The following ERMAP variants were observed in gnomAD, a reference collection of about 807,000 sequenced individuals.
ERMAP encodes the protein erythroid membrane-associated protein.
Under a neutral mutation model 49.5 loss-of-function variants are expected in ERMAP, and 34 were observed. The observed-to-expected ratio is 0.69, with a 90% CI of 0.52 to 0.91. ERMAP has a LOEUF of 0.91. Among genes scored for constraint, ERMAP ranks in the 40% least tolerant of loss-of-function variants. The pLI is 0.00. For synonymous variants in ERMAP, 214 were observed against 232.2 expected (o/e 0.92, Z 0.71); for missense variants, 541 against 582.6 (o/e 0.93, Z 0.74).
chr1:42,844,384 G>T lies in ERMAP; in HGVS notation c.*1152G>T. 2.9e-6 allele frequency: 1 copy of T among 350,540 alleles called. No individual in the cohort carries two copies. Among genetic ancestry groups the T allele is most frequent in the Non-Finnish European group, 5.1e-6 (1 of 196,602 alleles). The allele number at this position is 350,540 out of a possible 1,614,324, so 21.7% of individuals were successfully genotyped here. ...GATGAATACACAGTTCTATCCAACA[G>T]AAACTGTATCTTTCTGTTTGTCAGA... is the stretch of plus-strand genomic sequence containing the variant. On this transcript the variant is annotated 3_prime_UTR_variant, in exon 12 of 12. Coordinates refer to ENST00000372517, the MANE Select transcript of ERMAP (RefSeq NM_001017922.2). This position sits in a 1 kb window ranked among gnomAD's most constrained non-coding sequence, Gnocchi z 4.0.
intron 7 of ERMAP, chr1:42,837,603 C>T (rs1457364516): frequency 6.5e-6 from 1 of 153,644 alleles, no homozygotes; most frequent in African/African-American, 2.4e-5. Flanking sequence ...AGTGACACCT[C>T]AGATCATTGG....
intron 8 of ERMAP, chr1:42,839,767 C>T: frequency 1.8e-6 from 1 of 554,610 alleles, no homozygotes; most frequent in Non-Finnish European, 3.2e-6. Flanking sequence ...GTTGTCATTA[C>T]CTGTAGGTGT....
intron 1 of ERMAP, among the ~76,000 whole-genome samples, chr1:42,822,765 C>T (rs949920153): frequency 6.6e-6 from 1 of 152,134 alleles, no homozygotes; most frequent in African/African-American, 2.4e-5. Flanking sequence ...TCTCCCTATC[C>T]TCCCCTTCCC....
At chr1:42,834,197 C>T (rs1654827977) in intron 4 of ERMAP, among the ~76,000 whole-genome samples, 1 of 152,220 alleles carries the variant, frequency 6.6e-6, no homozygotes, top group South Asian at 2.1e-4. Context: ...TGCTCGTTTC[C>T]TCTCCTCTAT....
Position 42,842,898 on chromosome 1 carries a change from A to C in ERMAP, c.1094A>C (p.Glu365Ala), listed in dbSNP as rs567494847. 6.2e-7 allele frequency: 1 copy of C among 1,614,152 alleles called. No homozygotes were observed. The highest frequency in any genetic ancestry group is 8.5e-7 in the Non-Finnish European group (1 of 1,180,046). Residue 365 changes from glutamate to alanine, a missense_variant, in exon 12 of 12, where the codon GAA (glutamate) becomes GCA (alanine). Transcript: ENST00000372517. ...TGTGTGGGGATTTTCCTGGACTATG[A>C]AGCAGGAGTCATCTCTTTCTACAAT... The part of the protein sequence containing the change: ...PRCVGIFLDY[E>A]AGVISFYNVT...
At chr1:42,825,142 A>G (rs1041083781) in intron 1 of ERMAP, among the ~76,000 whole-genome samples, 2 of 152,222 alleles carry the variant, frequency 1.3e-5, no homozygotes, top group African/African-American at 4.8e-5. Flanking sequence ...ACAGCTAAGG[A>G]TATTATGAAA....
At chr1:42,830,292 CAA>C in intron 2 of ERMAP, 150 bp from the exon 3 acceptor site, 2 of 638,856 alleles carry the variant, frequency 3.1e-6, no homozygotes, top group Admixed American at 2.7e-5. Context: ...CACAGTATCA[CAA>C]GGAGGTAAGT....
chr1:42,843,344 G>T lies in ERMAP; in HGVS notation c.*112G>T, dbSNP rs939301010. 4 of 722,240 alleles carry T rather than the reference G, an allele frequency of 5.5e-6. No homozygotes were observed. Among genetic ancestry groups the T allele is most frequent in the Non-Finnish European group, 8.8e-6 (4 of 456,986 alleles). 44.7% of individuals were successfully genotyped at this position (722,240 alleles called of 1,614,324 possible). ...GTCTCTTCACCTTAACCCAAATCCA[G>T]ACCCTTTTGTGGTTTCTATTTGTAC... On this transcript the variant is annotated 3_prime_UTR_variant, in exon 12 of 12. Coordinates refer to ENST00000372517, the MANE Select transcript of ERMAP (RefSeq NM_001017922.2).
intron 1 of ERMAP, chr1:42,824,554 G>C (rs1654489069): frequency 6.6e-6 from 1 of 152,192 alleles, no homozygotes; most frequent in African/African-American, 2.4e-5. Context: ...CCAGAACAGA[G>C]TGTGAGGTGT....
At chr1:42,831,348 G>A (rs539025441) in intron 4 of ERMAP, among the ~76,000 whole-genome samples, 60 of 152,300 alleles carry the variant, frequency 3.9e-4, no homozygotes, top group South Asian at 1.7e-3. Flanking sequence ...ACTGTACAAT[G>A]CAGGTCCTGG....
Position 42,830,754 on chromosome 1 carries a change from C to T in ERMAP, c.86-14C>T. 1 of 1,516,298 alleles carries T rather than the reference C, an allele frequency of 6.6e-7. No individual in the cohort carries two copies. Among genetic ancestry groups the T allele is most frequent in the East Asian group, 2.5e-5 (1 of 40,648 alleles). 93.9% of individuals were successfully genotyped at this position (1,516,298 alleles called of 1,614,324 possible). ...CCGTCCCTCCCAGTTGGCCTTGTCT[C>T]TTTTTTTGTCCAGGCCACGCAGGGG... is the stretch of plus-strand genomic sequence containing the variant. On this transcript the variant is annotated splice_polypyrimidine_tract_variant and intron_variant, in intron 3 of 11. Coordinates refer to ENST00000372517, the MANE Select transcript of ERMAP (RefSeq NM_001017922.2).
chr1:42,825,638 T>C lies in ERMAP; in HGVS notation c.-106T>C, dbSNP rs1654520709. 1 of 1,288,876 alleles carries C rather than the reference T, an allele frequency of 7.8e-7. No homozygotes were observed. Among genetic ancestry groups the C allele is most frequent in the African/African-American group, 1.5e-5 (1 of 65,834 alleles). The allele number at this position is 1,288,876 out of a possible 1,614,324, so 79.8% of individuals were successfully genotyped here. ...ACATCCCTAGGCCTTCCTGATGCGC[T>C]TGCCTGCTCCCTGGTCTCTCTGCAT... On this transcript the variant is annotated 5_prime_UTR_variant, in exon 2 of 12. Coordinates refer to ENST00000372517, the MANE Select transcript of ERMAP (RefSeq NM_001017922.2).
At position 42,844,771 on chromosome 1, in the gene ERMAP, A is replaced by C. The variant is rs1457956163; in HGVS notation, c.*1539A>C. ...AACTGATTCAGCAAGGCCCGCCCACATTTGGGAGGACAGTCTGCATTACTC... is the reference window on the plus strand; with the variant it reads ...AACTGATTCAGCAAGGCCCGCCCACCTTTGGGAGGACAGTCTGCATTACTC... On this transcript the variant is annotated 3_prime_UTR_variant, in exon 12 of 12. Coordinates refer to ENST00000372517, the MANE Select transcript of ERMAP (RefSeq NM_001017922.2). This position sits in a 1 kb window ranked among gnomAD's most constrained non-coding sequence, Gnocchi z 4.0. 1.3e-5 allele frequency: 2 copies of C among 152,182 alleles called. No individual in the cohort carries two copies. Among genetic ancestry groups the C allele is most frequent in the South Asian group, 2.1e-4 (1 of 4,830 alleles). 9.4% of individuals were successfully genotyped at this position (152,182 alleles called of 1,614,324 possible). A position where few individuals can be genotyped will look rare whatever the true frequency, so the allele number is the denominator to read the frequency against.
chr1:42,837,054 G>A (rs1239714294), intron 6 of ERMAP, 104 bp from the exon 7 acceptor site: 7 of 1,160,804 alleles, frequency 6.0e-6, no homozygotes, highest in South Asian at 1.3e-5. Flanking sequence ...AGGTGGAGGT[G>A]AAGATAGAGG....
chr1:42,817,125 T>C lies in ERMAP; in HGVS notation c.-250T>C, dbSNP rs553997176. On this transcript the variant is annotated 5_prime_UTR_variant, in exon 1 of 12. Transcript: ENST00000372517. ...GGGACGGCCCCCGCCTCCTGCCCTCTTCCCTCTCCTGGAGGAAAATGGCGG... is the reference window on the plus strand; with the variant it reads ...GGGACGGCCCCCGCCTCCTGCCCTCCTCCCTCTCCTGGAGGAAAATGGCGG... 4.1e-5 allele frequency: 47 copies of C among 1,137,236 alleles called. 1 individual carries two copies. In the Middle Eastern group the frequency reaches 1.2e-3, roughly 29 times the overall value. 70.4% of individuals were successfully genotyped at this position (1,137,236 alleles called of 1,614,324 possible). A position where few individuals can be genotyped will look rare whatever the true frequency, so the allele number is the denominator to read the frequency against.
chr1:42,825,479 C>T, intron 1 of ERMAP, 144 bp from the exon 2 acceptor site: 10 of 1,171,394 alleles, frequency 8.5e-6, no homozygotes, highest in Non-Finnish European at 1.1e-5. Flanking sequence ...CTCCTCTTTG[C>T]TCTGTTCTTT....
rs371707071 is a variant in ERMAP, at chr1:42,835,765, G to A, written c.583+1G>A. The A allele has an allele frequency of 3.1e-6, 5 of 1,609,418 alleles. No homozygotes were observed. In the Admixed American group the frequency reaches 5.0e-5, roughly 16 times the overall value. Reference sequence around the variant, plus strand: ...CTCTATGAACATGTGACGGAGGTGGGTAAGTGTTCTTGGCTGGGGGGCAGG... The same window carrying A: ...CTCTATGAACATGTGACGGAGGTGGATAAGTGTTCTTGGCTGGGGGGCAGG... On this transcript the variant is annotated splice_donor_variant, in intron 6 of 11. Transcript: ENST00000372517. LOFTEE classifies it high-confidence loss of function.
chr1:42,835,119 G>A lies in ERMAP; in HGVS notation c.515G>A (p.Cys172Tyr). The A allele has an allele frequency of 6.4e-7, 1 of 1,561,868 alleles. No homozygotes were observed. The highest frequency in any genetic ancestry group is 8.8e-7 in the Non-Finnish European group (1 of 1,132,212). The change falls in exon 5 of 12, where the codon TGC (cysteine) becomes TAC (tyrosine). Residue 172 changes from cysteine (C) to tyrosine (Y), a missense_variant. By Grantham distance (194) the Cys-to-Tyr change is radical. Coordinates refer to ENST00000372517, the MANE Select transcript of ERMAP (RefSeq NM_001017922.2). ...LPVLVLLIMV[C>Y]LCLIWKQRRA... ...GTCCTGGTACTTCTCATCATGGTGT[G>A]CCTTTGCCTTATCTGGAAGCAAAGA... is the stretch of plus-strand genomic sequence containing the variant.
At position 42,831,123 on chromosome 1, in the gene ERMAP, T is replaced by G. The variant is rs945797784; in HGVS notation, c.433+8T>G. Reference sequence around the variant, plus strand: ...TGATCCTGCAGGTTGCAGGTTAGAATGGGTTTGAGGTGCCCAGGGTCATTT... The same window carrying G: ...TGATCCTGCAGGTTGCAGGTTAGAAGGGGTTTGAGGTGCCCAGGGTCATTT... On this transcript the variant is annotated splice_region_variant and intron_variant, in intron 4 of 11. Transcript: ENST00000372517. 2 of 1,612,998 alleles carry G rather than the reference T, an allele frequency of 1.2e-6. No individual in the cohort carries two copies. Among genetic ancestry groups the G allele is most frequent in the African/African-American group, 2.7e-5 (2 of 74,902 alleles).
Sources: allele counts gnomAD v4.1 joint callset (sites outside exome capture counted in the v4.1 genomes callset), GRCh38; gene constraint gnomAD v4.1.1; non-coding constraint Gnocchi (gnomAD v3.1); transcripts MANE v1.5; gene names NCBI Gene and HGNC (gene_info 2026-07-23, HGNC 2026-07-21).